Variants in BACH2 observed in about 807,000 individuals in gnomAD.
BACH2 encodes BACH transcriptional regulator 2.
BACH2 carries 5 observed loss-of-function variants against 61.8 expected under a neutral mutation model. The observed-to-expected ratio is 0.08, with a 90% CI of 0.04 to 0.17. The LOEUF (loss-of-function observed/expected upper bound fraction) is 0.17. Ranked by LOEUF, BACH2 falls within the 10% of genes least tolerant of loss-of-function variation. BACH2 has a pLI of 1.00. For synonymous variants in BACH2, 446 were observed against 440.1 expected (o/e 1.01, Z -0.17); for missense variants, 824 against 1,091.1 (o/e 0.76, Z 3.45).
chr6:90,050,664 C>A (rs1780000608), intron 5 of BACH2, among the ~76,000 whole-genome samples: 1 of 151,810 alleles, frequency 6.6e-6, no homozygotes, highest in African/African-American at 2.4e-5. Flanking sequence ...GAGCTTATTA[C>A]TGTGATTTTA....
chr6:90,251,466 A>G (rs1290652032), intron 3 of BACH2, among the ~76,000 whole-genome samples: 3 of 152,194 alleles, frequency 2.0e-5, no homozygotes, highest in African/African-American at 4.8e-5. Flanking sequence ...TGATATAGAA[A>G]CATTTAAAAA....
At chr6:90,288,222 A>G (rs1403008106) in intron 1 of BACH2, among the ~76,000 whole-genome samples, 2 of 152,190 alleles carry the variant, frequency 1.3e-5, no homozygotes. Context: ...TAGATATTCT[A>G]CAAATCAATG....
At chr6:90,031,108 T>G (rs9444734) in intron 5 of BACH2, among the ~76,000 whole-genome samples, 62,669 of 150,688 alleles carry the variant, frequency 0.42, 14,997 homozygotes, top group East Asian at 0.81. Flanking sequence ...AAAAACCACA[T>G]GATTATCTCA....
intron 6 of BACH2, among the ~76,000 whole-genome samples, chr6:89,972,397 G>A (rs1270975541): frequency 2.6e-5 from 4 of 152,138 alleles, no homozygotes; most frequent in Admixed American, 6.5e-5. Context: ...AAGAGTTGGC[G>A]AAGTCTGAGA....
At position 89,932,334 on chromosome 6, in the gene BACH2, T is replaced by TG; in HGVS notation, c.*73dup. On this transcript the variant is annotated 3_prime_UTR_variant, in exon 9 of 9. Transcript: ENST00000257749. ...TTCTCGGTTTCTTCGGGACAGCAGA[T>TG]GAACAGTGCCACAGGCTGACTGAAG... is the stretch of plus-strand genomic sequence containing the variant. 6.5e-7 allele frequency: 1 copy of TG among 1,548,732 alleles called. No individual in the cohort carries two copies. Among genetic ancestry groups the TG allele is most frequent in the Non-Finnish European group, 8.8e-7 (1 of 1,140,538 alleles).
rs533203996 is a variant in BACH2, at chr6:89,973,957, A to G, written c.244-22095T>C. 1.8e-4 allele frequency among the ~76,000 whole-genome samples: 28 copies of G among 152,126 alleles called. No homozygotes were observed. The South Asian group carries it at 5.2e-3, about 28-fold the overall frequency. The stretch of plus-strand genomic sequence containing the variant: ...TCACTTTACATTGCAATTTTTTTTC[A>G]GCATCCTATTATTTCTTGTGTAAAG... On this transcript the variant is annotated intron_variant, in intron 6 of 8. Transcript: ENST00000257749.
At chr6:90,093,461 T>C (rs1398487653) in intron 4 of BACH2, among the ~76,000 whole-genome samples, 1 of 152,198 alleles carries the variant, frequency 6.6e-6, no homozygotes, top group South Asian at 2.1e-4. Context: ...AAATATTCAA[T>C]ATCTCTGCTG....
chr6:89,931,558 A>G lies in BACH2; in HGVS notation c.*850T>C, dbSNP rs1425517821. ...TGACCCAAAACTCAGTGCAAGTGGC[A>G]AAGTTGACCATTACTGTACAGTATC... On this transcript the variant is annotated 3_prime_UTR_variant, in exon 9 of 9. Coordinates refer to ENST00000257749, the MANE Select transcript of BACH2 (RefSeq NM_021813.4). 2 of 152,674 alleles carry G rather than the reference A, an allele frequency of 1.3e-5. No homozygotes were observed. The highest frequency in any genetic ancestry group is 4.8e-5 in the African/African-American group (2 of 41,444). The allele number at this position is 152,674 out of a possible 1,614,324, so 9.5% of individuals were successfully genotyped here.
At chr6:90,210,349 A>G (rs574347319) in intron 3 of BACH2, among the ~76,000 whole-genome samples, 17 of 146,904 alleles carry the variant, frequency 1.2e-4, no homozygotes, top group South Asian at 1.1e-3. Flanking sequence ...ACACACACAC[A>G]CGCACATGCA....
chr6:89,983,110 A>G (rs951134809), intron 6 of BACH2, among the ~76,000 whole-genome samples: 1 of 152,232 alleles, frequency 6.6e-6, no homozygotes, highest in Admixed American at 6.5e-5. Context: ...AAAATCTGGG[A>G]ATATCCTAAA....
intron 5 of BACH2, among the ~76,000 whole-genome samples, chr6:90,078,226 C>T (rs1781560879): frequency 1.3e-5 from 2 of 152,230 alleles, no homozygotes; most frequent in South Asian, 2.1e-4. Context: ...TTTAGCCTTA[C>T]TTGATTACAA....
intron 5 of BACH2, among the ~76,000 whole-genome samples, chr6:90,009,138 C>A: frequency 6.8e-6 from 1 of 147,698 alleles, no homozygotes; most frequent in South Asian, 2.1e-4. Context: ...TTTAATAGAA[C>A]ATTTAAAACA....
At chr6:90,270,831 A>G (rs554710068) in intron 2 of BACH2, among the ~76,000 whole-genome samples, 2 of 152,236 alleles carry the variant, frequency 1.3e-5, no homozygotes, top group Non-Finnish European at 2.9e-5. Flanking sequence ...CAACTATACT[A>G]CAAGGCTATA....
chr6:90,277,417 T>C (rs1210562120), intron 1 of BACH2, among the ~76,000 whole-genome samples: 1 of 152,172 alleles, frequency 6.6e-6, no homozygotes, highest in African/African-American at 2.4e-5. Context: ...TCTCCATTGA[T>C]ATAAAGTTCA....
chr6:90,129,251 A>G (rs2127822798), intron 4 of BACH2, among the ~76,000 whole-genome samples: 1 of 152,314 alleles, frequency 6.6e-6, no homozygotes, highest in South Asian at 2.1e-4. Context: ...CTGGATATCA[A>G]ATAGTTTTAG....
intron 3 of BACH2, among the ~76,000 whole-genome samples, chr6:90,247,369 G>C (rs1016727711): frequency 2.0e-5 from 3 of 151,090 alleles, no homozygotes; most frequent in African/African-American, 7.3e-5. Context: ...CTTAGTAGCT[G>C]GGACTACAGG....
At chr6:90,223,021 GAC>G (rs2127856865) in intron 3 of BACH2, among the ~76,000 whole-genome samples, 1 of 152,352 alleles carries the variant, frequency 6.6e-6, no homozygotes, top group African/African-American at 2.4e-5. Flanking sequence ...ATAGGGGAAA[GAC>G]ACAGCAGTAG....
intron 3 of BACH2, among the ~76,000 whole-genome samples, chr6:90,216,163 G>A (rs892629007): frequency 2.0e-5 from 3 of 152,182 alleles, no homozygotes; most frequent in Non-Finnish European, 4.4e-5. Flanking sequence ...AGCTGACCCT[G>A]GGGTCCTCTC....
chr6:90,073,248 G>A (rs1215969905), intron 5 of BACH2, among the ~76,000 whole-genome samples: 1 of 152,164 alleles, frequency 6.6e-6, no homozygotes, highest in African/African-American at 2.4e-5. Flanking sequence ...GTTTCTAAAA[G>A]AGATCACCTC....
Sources: allele counts gnomAD v4.1 joint callset (sites outside exome capture counted in the v4.1 genomes callset), GRCh38; gene constraint gnomAD v4.1.1; transcripts MANE v1.5; gene names NCBI Gene and HGNC (gene_info 2026-07-23, HGNC 2026-07-21).